The following PCDHGB5 variants were observed in gnomAD, a reference collection of about 807,000 sequenced individuals.
PCDHGB5 encodes protocadherin gamma subfamily B, 5.
PCDHGB5 carries 48 observed loss-of-function variants against 62.9 expected under a neutral mutation model. The observed-to-expected ratio is 0.76, with a 90% confidence interval of 0.61 to 0.97. The LOEUF is 0.97. Among genes scored for constraint, PCDHGB5 ranks in the 50% least tolerant of loss-of-function variants. The pLI is 0.00. For missense variants in PCDHGB5, 1,118 were observed against 1,198.6 expected, an observed-to-expected ratio of 0.93 and a Z score of 0.99; for synonymous variants, 474 against 511.2, an observed-to-expected ratio of 0.93 and a Z score of 0.98.
chr5:141,438,254 A>G (rs916664408), intron 1 of PCDHGB5, among the ~76,000 whole-genome samples: 1 of 152,170 alleles, frequency 6.6e-6, no homozygotes, highest in Non-Finnish European at 1.5e-5. Context: ...CTGTCATTGA[A>G]GAGACCATAG....
Position 141,487,171 on chromosome 5 carries a change from G to C in PCDHGB5, c.2398-7636G>C. ...CTGTTACTCTCTTAGTGTCCTTAGA[G>C]GAAGACACTCATCCAGTTGTCCCAG... On this transcript the variant is annotated intron_variant, in intron 1 of 3. Transcript: ENST00000617380. The surrounding 1 kb of genome is among the most constrained non-coding windows in gnomAD (Gnocchi z 5.0). 1 of 1,612,938 alleles carries C rather than the reference G, an allele frequency of 6.2e-7. No individual in the cohort carries two copies. Among genetic ancestry groups the C allele is most frequent in the Non-Finnish European group, 8.5e-7 (1 of 1,178,910 alleles).
At position 141,490,597 on chromosome 5, in the gene PCDHGB5, C is replaced by G. The variant is rs781077720; in HGVS notation, c.2398-4210C>G. 1 of 1,614,182 alleles carries G rather than the reference C, an allele frequency of 6.2e-7. No homozygotes were observed. On this transcript the variant is annotated intron_variant, in intron 1 of 3. Transcript: ENST00000617380. This position sits in a 1 kb window ranked among gnomAD's most constrained non-coding sequence, Gnocchi z 5.4. ...TTCAGATGTCAATGACAATGCACCC[C>G]GCTTCAACCAGCAGCTTTACACTGC...
In PCDHGB5 at chr5:141,420,282, T is replaced by C. The variant is rs543435018; in HGVS notation, c.2397+19758T>C. 2.1e-5 allele frequency: 31 copies of C among 1,510,188 alleles called. No homozygotes were observed. In the African/African-American group the frequency reaches 4.0e-4, roughly 20 times the overall value. 93.5% of individuals were successfully genotyped at this position (1,510,188 alleles called of 1,614,324 possible). On this transcript the variant is annotated intron_variant, in intron 1 of 3. Coordinates refer to ENST00000617380, the MANE Select transcript of PCDHGB5 (RefSeq NM_018925.3). ...AAGAAGATTCTTAAACAGGTAAGTA[T>C]TTAAAAATGTATTTAATCCTTTTTA...
chr5:141,414,649 AT>A (rs1410490912), intron 1 of PCDHGB5: 15 of 1,613,914 alleles, frequency 9.3e-6, no homozygotes, highest in Non-Finnish European at 1.3e-5. Context: ...TGCCCAGATT[AT>A]TTACTCCCTG....
At chr5:141,422,617 G>T (rs758903894) in intron 1 of PCDHGB5, 3 of 1,613,524 alleles carry the variant, frequency 1.9e-6, no homozygotes, top group Non-Finnish European at 2.5e-6. Context: ...CTACATTCCC[G>T]AAAACAACCC....
intron 1 of PCDHGB5, among the ~76,000 whole-genome samples, chr5:141,460,317 A>G (rs1045494740): frequency 4.6e-5 from 7 of 152,260 alleles, no homozygotes; most frequent in African/African-American, 1.7e-4. Flanking sequence ...CTCCTTGCCT[A>G]CTGAAAACTT....
chr5:141,426,848 C>A (rs1379697529), intron 1 of PCDHGB5: 1 of 456,670 alleles, frequency 2.2e-6, no homozygotes, highest in Non-Finnish European at 4.4e-6. Context: ...AAGGCAAGAA[C>A]GCTCCAGAAT....
Position 141,422,179 on chromosome 5 carries a change from A to G in PCDHGB5, c.2397+21655A>G, listed in dbSNP as rs757086661. The G allele has an allele frequency of 2.0e-5, 32 of 1,562,402 alleles. No homozygotes were observed. Among genetic ancestry groups the G allele is most frequent in the Non-Finnish European group, 2.6e-5 (30 of 1,159,048 alleles). ...TTTTGAAAAATATAGATTCTATGAG[A>G]TGGAAATTCAAGGCCAAGATGGTGG... is the stretch of plus-strand genomic sequence containing the variant. On this transcript the variant is annotated intron_variant, in intron 1 of 3. Coordinates refer to ENST00000617380, the MANE Select transcript of PCDHGB5 (RefSeq NM_018925.3).
Position 141,475,033 on chromosome 5 carries a change from A to G in PCDHGB5, c.2398-19774A>G, listed in dbSNP as rs1223709259. 2.0e-5 allele frequency among the ~76,000 whole-genome samples: 3 copies of G among 152,362 alleles called. No individual in the cohort carries two copies. In the East Asian group the frequency reaches 5.8e-4, roughly 29 times the overall value. ...TTAAGGCTCTTTATTCTGTGACTAA[A>G]GGCTTTGTATTTTCTAAAGATTTGT... is the stretch of plus-strand genomic sequence containing the variant. On this transcript the variant is annotated intron_variant, in intron 1 of 3. Transcript: ENST00000617380.
chr5:141,416,109 A>C (rs1365438751), intron 1 of PCDHGB5: 5 of 157,286 alleles, frequency 3.2e-5, no homozygotes, highest in African/African-American at 1.2e-4. Context: ...GCCTTTTTCA[A>C]ACTACATTTT....
chr5:141,413,636 T>G, intron 1 of PCDHGB5: 2 of 1,613,876 alleles, frequency 1.2e-6, no homozygotes, highest in South Asian at 2.2e-5. Context: ...GCTGCGGGAA[T>G]GCGTTTTCCT....
intron 1 of PCDHGB5, among the ~76,000 whole-genome samples, chr5:141,444,152 ATTTTTTTTTTTTTTTTTT>A (rs747671382): frequency 4.1e-4 from 14 of 33,898 alleles, no homozygotes; most frequent in South Asian, 2.1e-3. Flanking sequence ...TGTGTACTGG[ATTTTTTTTTTTTTTTTTT>A]TTTTTTTTTT....
chr5:141,414,517 G>C, intron 1 of PCDHGB5: 1 of 1,613,964 alleles, frequency 6.2e-7, no homozygotes, highest in South Asian at 1.1e-5. Context: ...ACAAGTGGCA[G>C]ATATCAATGA....
At position 141,402,836 on chromosome 5, in the gene PCDHGB5, A is replaced by G. The variant is rs115293033; in HGVS notation, c.2397+2312A>G. 4.8e-4 allele frequency: 668 copies of G among 1,379,778 alleles called. 2 individuals are homozygous for G. The African/African-American group carries it at 8.5e-3, about 18-fold the overall frequency. 85.5% of individuals were successfully genotyped at this position (1,379,778 alleles called of 1,614,324 possible). On this transcript the variant is annotated intron_variant, in intron 1 of 3. Coordinates refer to ENST00000617380, the MANE Select transcript of PCDHGB5 (RefSeq NM_018925.3). ...ACAAACCTGCTCCCAGGCTGCAGCA[A>G]AACTCAGCCTCTTTCTTCTAAGGAA...
rs1396744157 is a variant in PCDHGB5 at position 141,432,439 on chromosome 5, C to G, written c.2397+31915C>G. 22 of 1,614,108 alleles carry G rather than the reference C, an allele frequency of 1.4e-5. No individual in the cohort carries two copies. The highest frequency in any genetic ancestry group is 1.7e-5 in the Non-Finnish European group (20 of 1,180,052). On this transcript the variant is annotated intron_variant, in intron 1 of 3. Coordinates refer to ENST00000617380, the MANE Select transcript of PCDHGB5 (RefSeq NM_018925.3). This position sits in a 1 kb window ranked among gnomAD's most constrained non-coding sequence, Gnocchi z 6.0. ...TGCTGGACCAGAACGACAATGCGCCCGAGATCCTGTACCCCGCCCTCCCCA... is the reference window on the plus strand; with the variant it reads ...TGCTGGACCAGAACGACAATGCGCCGGAGATCCTGTACCCCGCCCTCCCCA...
At chr5:141,437,983 A>C (rs544812394) in intron 1 of PCDHGB5, among the ~76,000 whole-genome samples, 1 of 152,056 alleles carries the variant, frequency 6.6e-6, no homozygotes, top group Admixed American at 6.5e-5. Context: ...GGATGCACCC[A>C]CCCCACCTCA....
At chr5:141,448,663 G>A (rs1195703194) in intron 1 of PCDHGB5, among the ~76,000 whole-genome samples, 3 of 151,920 alleles carry the variant, frequency 2.0e-5, no homozygotes, top group African/African-American at 7.3e-5. Flanking sequence ...CATATTGGCC[G>A]GGCGCGGTGG....
intron 1 of PCDHGB5, chr5:141,426,993 G>A (rs1331210977): frequency 1.1e-5 from 5 of 456,742 alleles, no homozygotes; most frequent in Middle Eastern, 3.3e-4. Context: ...CAACGATAAT[G>A]CCCCAGTTTT....
intron 1 of PCDHGB5, among the ~76,000 whole-genome samples, chr5:141,482,793 C>T (rs900216099): frequency 3.9e-5 from 5 of 128,974 alleles, no homozygotes; most frequent in Non-Finnish European, 8.1e-5. Flanking sequence ...TGTGTGTGGC[C>T]GGGTACGGTG....
Sources: gnomAD v4.1 joint callset for allele counts (sites outside exome capture counted in the v4.1 genomes callset) on GRCh38, gnomAD v4.1.1 for gene constraint, Gnocchi (gnomAD v3.1) non-coding constraint, MANE v1.5 for transcripts, NCBI Gene and HGNC (gene_info 2026-07-23, HGNC 2026-07-21) for gene names.